CLIC5: variants seen among roughly 807,000 people sequenced by gnomAD.
CLIC5 encodes the protein chloride intracellular channel protein 5.
Under a neutral mutation model 24.7 loss-of-function variants are expected in CLIC5, and 20 were observed. The ratio of observed to expected loss-of-function variants is 0.81; its 90% CI spans 0.57 to 1.18. The LOEUF is 1.18. CLIC5 is among the 50% of genes most tolerant of loss of function. The probability of loss-of-function intolerance (pLI) is 0.00; values close to 1 mark genes in which losing one functional copy is unlikely to be tolerated. For synonymous variants in CLIC5, 159 were observed against 135.6 expected, an observed-to-expected ratio of 1.17 and a Z score of -1.20; for missense variants, 341 against 326.1, an observed-to-expected ratio of 1.05 and a Z score of -0.35.
the CLIC5 span, among the ~76,000 whole-genome samples, chr6:46,103,182 T>C: frequency 7.2e-5 from 11 of 152,176 alleles, no homozygotes; most frequent in African/African-American, 2.7e-4. Context: ...AAACTTATAA[T>C]TAAGATCTTC....
At chr6:46,012,307 G>T (rs550957688) in intron 1 of CLIC5, among the ~76,000 whole-genome samples, 1 of 152,306 alleles carries the variant, frequency 6.6e-6, no homozygotes, top group East Asian at 1.9e-4. Flanking sequence ...GCAGAGGCAA[G>T]ACTTGAACTC....
At chr6:45,914,802 T>G (rs1164395666) in intron 4 of CLIC5, among the ~76,000 whole-genome samples, 1 of 140,888 alleles carries the variant, frequency 7.1e-6, no homozygotes, top group Non-Finnish European at 1.6e-5. Flanking sequence ...ACTACAAAAA[T>G]TAGCTGGGCA....
Position 45,903,217 on chromosome 6 carries a change from A to C in CLIC5, c.627T>G (p.Ala209=). Residue 209 remains alanine (A), a synonymous_variant, in exon 6 of 6, where the codon GCT becomes GCG. Coordinates refer to ENST00000339561, the MANE Select transcript of CLIC5 (RefSeq NM_016929.5). ...AKKYRNYDIP[A]EMTGLWRYLK... The stretch of plus-strand genomic sequence containing the variant: ...GGTACCGCCACAGGCCTGTCATCTC[A>C]GCCGGGATATCATAGTTGCGGTATT... 1 of 1,610,400 alleles carries C rather than the reference A, an allele frequency of 6.2e-7. No homozygotes were observed. Among genetic ancestry groups the C allele is most frequent in the Non-Finnish European group, 8.5e-7 (1 of 1,178,360 alleles).
chr6:46,063,305 C>G (rs925389406), intron 1 of CLIC5, among the ~76,000 whole-genome samples: 1 of 152,158 alleles, frequency 6.6e-6, no homozygotes, highest in Non-Finnish European at 1.5e-5. Context: ...TCAATTGCAA[C>G]AACCTCCACT....
chr6:46,051,924 A>G (rs982672608), intron 1 of CLIC5, among the ~76,000 whole-genome samples: 11 of 152,184 alleles, frequency 7.2e-5, no homozygotes, highest in African/African-American at 2.7e-4. Flanking sequence ...GAGATAAACC[A>G]TCATCTCCAC....
At chr6:45,980,450 C>T (rs1765530680) in intron 1 of CLIC5, among the ~76,000 whole-genome samples, 1 of 152,032 alleles carries the variant, frequency 6.6e-6, no homozygotes, top group Admixed American at 6.5e-5. Context: ...TGGAAAACTA[C>T]CTATTGTGTA....
intron 1 of CLIC5, among the ~76,000 whole-genome samples, chr6:46,012,537 G>A (rs1766843457): frequency 6.6e-6 from 1 of 152,196 alleles, no homozygotes; most frequent in Non-Finnish European, 1.5e-5. Flanking sequence ...CATTAGAATG[G>A]ATTAATAACA....
chr6:46,007,442 C>T (rs1766627486), intron 1 of CLIC5, among the ~76,000 whole-genome samples: 1 of 152,174 alleles, frequency 6.6e-6, no homozygotes, highest in African/African-American at 2.4e-5. Context: ...GCACAGGCTT[C>T]TTCCAAGGCA....
rs116382161 is a variant in CLIC5, at chr6:45,882,290, A to G, written c.624-1102T>C. ...CCAATCACTGCATAGAAGCCACAAT[A>G]GCATTCCTTCAATCCAAAACAAACA... On this transcript the variant is annotated intron_variant, in intron 6 of 6. Coordinates refer to the CLIC5 transcript ENST00000644324. Among the ~76,000 whole-genome samples the G allele has an allele frequency of 5.5e-3, 838 of 152,348 alleles. 15 individuals carry two copies. The East Asian group carries it at 0.056, about 10-fold the overall frequency.
At chr6:45,957,435 G>A (rs180972679) in intron 1 of CLIC5, among the ~76,000 whole-genome samples, 6 of 152,224 alleles carry the variant, frequency 3.9e-5, no homozygotes, top group Admixed American at 1.3e-4. Context: ...AAACCAGGAC[G>A]AACGCAGGTG....
At chr6:45,882,738 A>G (rs1419823009) in intron 6 of CLIC5, among the ~76,000 whole-genome samples, 3 of 152,226 alleles carry the variant, frequency 2.0e-5, no homozygotes, top group African/African-American at 7.2e-5. Context: ...GTGATACAAA[A>G]ATTAATGGTA....
chr6:46,040,068 T>C (rs1295643628), intron 1 of CLIC5, among the ~76,000 whole-genome samples: 5 of 152,228 alleles, frequency 3.3e-5, no homozygotes, highest in Non-Finnish European at 5.9e-5. Context: ...ACAGCTATTA[T>C]ACTTAAAGGA....
chr6:46,058,861 C>T lies in CLIC5; in HGVS notation c.540+20842G>A, dbSNP rs1045869917. ...GATAACAGGTTGGCAGAAGGAGCCA[C>T]ACTCAGCAGCAGTTGCATGTGATCT... On this transcript the variant is annotated intron_variant, in intron 1 of 5. Transcript: ENST00000185206. 7.2e-5 allele frequency among the ~76,000 whole-genome samples: 11 copies of T among 152,196 alleles called. 1 individual carries two copies. Among genetic ancestry groups the T allele is most frequent in the Admixed American group, 6.5e-4 (10 of 15,278 alleles).
chr6:46,077,540 C>A (rs1173143880), intron 1 of CLIC5, among the ~76,000 whole-genome samples: 1 of 151,876 alleles, frequency 6.6e-6, no homozygotes, highest in Non-Finnish European at 1.5e-5. Context: ...AGAGAAGGCC[C>A]TGTTTTACTC....
chr6:46,024,963 A>G (rs1482602809), intron 1 of CLIC5, among the ~76,000 whole-genome samples: 2 of 152,218 alleles, frequency 1.3e-5, no homozygotes, highest in African/African-American at 2.4e-5. Flanking sequence ...GAGAAAGGCT[A>G]TGTGTGTAGA....
the CLIC5 span, among the ~76,000 whole-genome samples, chr6:46,117,100 G>A: frequency 6.6e-6 from 1 of 152,184 alleles, no homozygotes; most frequent in Admixed American, 6.5e-5. Context: ...ATTGTCCCTG[G>A]CCAATCTGAG....
the CLIC5 span, among the ~76,000 whole-genome samples, chr6:46,089,871 G>C: frequency 6.6e-6 from 1 of 152,026 alleles, no homozygotes; most frequent in Non-Finnish European, 1.5e-5. Flanking sequence ...TTCTTTTAAC[G>C]ACGCTGATAG....
chr6:45,979,778 T>C (rs376810217), intron 1 of CLIC5, among the ~76,000 whole-genome samples: 1 of 151,458 alleles, frequency 6.6e-6, no homozygotes, highest in East Asian at 1.9e-4. Flanking sequence ...AATGGCCTTT[T>C]AGACCTTTGT....
intron 1 of CLIC5, among the ~76,000 whole-genome samples, chr6:46,026,949 T>G (rs1186395004): frequency 1.3e-5 from 2 of 152,210 alleles, no homozygotes; most frequent in African/African-American, 4.8e-5. Context: ...ACAAATGAGA[T>G]AGTAATCTCA....
Sources: gnomAD v4.1 joint callset for allele counts (sites outside exome capture counted in the v4.1 genomes callset) on GRCh38, gnomAD v4.1.1 for gene constraint, MANE v1.5 for transcripts, NCBI Gene and HGNC (gene_info 2026-07-23, HGNC 2026-07-21) for gene names.